Variants in RAB6B observed in about 807,000 individuals in gnomAD.
RAB6B encodes ras-related protein Rab-6B.
A neutral mutation model predicts 31.2 loss-of-function variants in RAB6B; 7 were observed. The ratio of observed to expected loss-of-function variants is 0.22; its 90% confidence interval spans 0.13 to 0.42. The LOEUF is 0.42. Among genes scored for constraint, RAB6B ranks in the 10% least tolerant of loss-of-function variants. The pLI, the probability that RAB6B is intolerant of heterozygous loss-of-function variation, is 1.00. For missense variants in RAB6B, 149 were observed against 280.6 expected (o/e 0.53, Z 3.35); for synonymous variants, 105 against 104.9 (o/e 1.00, Z -0.01).
rs570854855 is a variant in RAB6B, at chr3:133,845,246, A to G, written c.130-3583T>C. ...TTCAAATGCTGAAACTTAATCCTCA[A>G]TGTGATAGTATTAAAAGGCACATCC... is the stretch of plus-strand genomic sequence containing the variant. On this transcript the variant is annotated intron_variant, in intron 2 of 7. Coordinates refer to ENST00000285208, the MANE Select transcript of RAB6B (RefSeq NM_016577.4). Among the ~76,000 whole-genome samples the G allele has an allele frequency of 3.2e-4, 49 of 152,334 alleles. No homozygotes were observed. In the South Asian group the frequency reaches 0.01, roughly 32 times the overall value.
intron 1 of RAB6B, among the ~76,000 whole-genome samples, chr3:133,883,867 T>C (rs1936502350): frequency 6.6e-6 from 1 of 152,200 alleles, no homozygotes; most frequent in African/African-American, 2.4e-5. Flanking sequence ...TGAGCCAAAA[T>C]GGTCCTCCTC....
chr3:133,830,605 T>G (rs543761407), intron 7 of RAB6B, among the ~76,000 whole-genome samples: 1 of 152,202 alleles, frequency 6.6e-6, no homozygotes, highest in East Asian at 1.9e-4. Context: ...TGGGCCAGGG[T>G]GCACGCATTA....
intron 2 of RAB6B, among the ~76,000 whole-genome samples, chr3:133,844,228 C>T (rs567336222): frequency 6.6e-6 from 1 of 152,288 alleles, no homozygotes; most frequent in East Asian, 1.9e-4. Flanking sequence ...ACTGAACATC[C>T]ACATACTTTC....
At chr3:133,862,728 T>G (rs867295883) in intron 2 of RAB6B, among the ~76,000 whole-genome samples, 1 of 151,958 alleles carries the variant, frequency 6.6e-6, no homozygotes, top group East Asian at 1.9e-4. Context: ...GGGCGAGATT[T>G]TGAGGAACTT....
At chr3:133,885,706 C>T (rs1463625755) in intron 1 of RAB6B, 1 of 686,770 alleles carries the variant, frequency 1.5e-6, no homozygotes, top group African/African-American at 1.8e-5. Flanking sequence ...AAGGGGCTAG[C>T]TTTGGTCCAT....
intron 7 of RAB6B, among the ~76,000 whole-genome samples, chr3:133,832,557 C>T (rs1372118487): frequency 4.6e-5 from 7 of 152,240 alleles, no homozygotes; most frequent in Non-Finnish European, 7.3e-5. Flanking sequence ...CCAAAGCACA[C>T]ACCTTCAAAA....
intron 1 of RAB6B, among the ~76,000 whole-genome samples, chr3:133,893,694 A>T (rs1936667680): frequency 6.6e-6 from 1 of 152,166 alleles, no homozygotes; most frequent in South Asian, 2.1e-4. Flanking sequence ...CATTTTTCAG[A>T]GACAGAAAGT....
intron 1 of RAB6B, among the ~76,000 whole-genome samples, chr3:133,892,845 T>C (rs1042758881): frequency 1.3e-5 from 2 of 152,180 alleles, no homozygotes; most frequent in Admixed American, 6.5e-5. Context: ...CTGGCACAAA[T>C]GACCAACAGA....
intron 7 of RAB6B, among the ~76,000 whole-genome samples, chr3:133,834,276 C>T (rs1366033499): frequency 1.3e-5 from 2 of 152,158 alleles, no homozygotes; most frequent in South Asian, 2.1e-4. Flanking sequence ...TAAACATGCT[C>T]GCTGTAAAGA....
rs141085085 is a variant in RAB6B, at chr3:133,841,827, G to A, written c.130-164C>T. ...CTGCCCCTCCCTGCTACCACTCAGC[G>A]GCTCTCTCACTGAGGGATCAAGCTG... is the stretch of plus-strand genomic sequence containing the variant. On this transcript the variant is annotated intron_variant, in intron 2 of 7. Transcript: ENST00000285208. 9.5e-4 allele frequency among the ~76,000 whole-genome samples: 144 copies of A among 152,272 alleles called. 1 individual carries two copies. The highest frequency in any genetic ancestry group is 3.3e-3 in the African/African-American group (136 of 41,576).
chr3:133,871,880 C>T (rs1008889645), intron 1 of RAB6B, among the ~76,000 whole-genome samples: 2 of 152,244 alleles, frequency 1.3e-5, no homozygotes, highest in Non-Finnish European at 2.9e-5. Context: ...CACACCAGCT[C>T]TTCAGAGCTC....
chr3:133,870,504 T>TG (rs928532300), intron 1 of RAB6B, among the ~76,000 whole-genome samples: 1 of 151,982 alleles, frequency 6.6e-6, no homozygotes, highest in African/African-American at 2.4e-5. Flanking sequence ...CTGGAGAGAA[T>TG]GGGGAGGAGA....
rs961208398 is a variant in RAB6B at position 133,895,730 on chromosome 3, G to C, written c.-264C>G. The C allele has an allele frequency of 1.8e-5, 9 of 493,976 alleles. No individual in the cohort carries two copies. The highest frequency in any genetic ancestry group is 6.2e-5 in the African/African-American group (3 of 48,628). The allele number at this position is 493,976 out of a possible 1,614,324, so 30.6% of individuals were successfully genotyped here. A position where few individuals can be genotyped will look rare whatever the true frequency, so the allele number is the denominator to read the frequency against. ...GCGGTCGGCACTGGCTGCGGTGCGA[G>C]GGGCGCGCTCTTTACGCCCGAGGCG... On this transcript the variant is annotated 5_prime_UTR_variant, in exon 1 of 8. Coordinates refer to ENST00000285208, the MANE Select transcript of RAB6B (RefSeq NM_016577.4).
intron 2 of RAB6B, among the ~76,000 whole-genome samples, chr3:133,858,893 G>C (rs1401576720): frequency 6.6e-6 from 1 of 152,162 alleles, no homozygotes; most frequent in Non-Finnish European, 1.5e-5. Context: ...AAATTAATCA[G>C]ATGGAATTTA....
intron 6 of RAB6B, among the ~76,000 whole-genome samples, chr3:133,836,644 C>T (rs139903141): frequency 2.2e-4 from 34 of 152,262 alleles, no homozygotes; most frequent in Admixed American, 4.6e-4. Flanking sequence ...CCTGGTGCTG[C>T]CCTGCCCTCC....
intron 1 of RAB6B, among the ~76,000 whole-genome samples, chr3:133,885,253 A>G (rs551981632): frequency 3.3e-4 from 49 of 150,270 alleles, no homozygotes; most frequent in African/African-American, 1.2e-3. Context: ...GGGAACTCAC[A>G]CACCCAATGA....
At chr3:133,860,923 C>G (rs573941206) in intron 2 of RAB6B, among the ~76,000 whole-genome samples, 1 of 152,292 alleles carries the variant, frequency 6.6e-6, no homozygotes, top group African/African-American at 2.4e-5. Context: ...ATGCTAATAC[C>G]CGAGCCCGTG....
intron 1 of RAB6B, among the ~76,000 whole-genome samples, chr3:133,890,256 G>A (rs1406615828): frequency 1.3e-5 from 2 of 152,110 alleles, no homozygotes; most frequent in Non-Finnish European, 2.9e-5. Context: ...ATGAGGAAGT[G>A]CCCCCCAAGA....
At chr3:133,846,587 G>C (rs1363189123) in intron 2 of RAB6B, among the ~76,000 whole-genome samples, 1 of 152,154 alleles carries the variant, frequency 6.6e-6, no homozygotes, top group Non-Finnish European at 1.5e-5. Context: ...GAAGTTCAGT[G>C]AACCTAAAAC....
Sources: allele counts gnomAD v4.1 joint callset (sites outside exome capture counted in the v4.1 genomes callset), GRCh38; gene constraint gnomAD v4.1.1; transcripts MANE v1.5; gene names NCBI Gene and HGNC (gene_info 2026-07-23, HGNC 2026-07-21).